KCNIP4: variants seen among roughly 807,000 people sequenced by gnomAD.
The protein encoded by KCNIP4 is potassium voltage-gated channel interacting protein 4, also known as Kv channel-interacting protein 4.
A neutral mutation model predicts 34.0 loss-of-function variants in KCNIP4; 12 were observed. That is an observed-to-expected ratio of 0.35 (90% CI 0.23 to 0.57). The LOEUF (loss-of-function observed/expected upper bound fraction) is 0.57, where lower values mean the gene tolerates loss of function less well. Among genes scored for constraint, KCNIP4 ranks in the 20% least tolerant of loss-of-function variants. KCNIP4 has a pLI of 0.83. For missense variants in KCNIP4, 238 were observed against 311.7 expected, an observed-to-expected ratio of 0.76 and a Z score of 1.78; for synonymous variants, 124 against 102.2, an observed-to-expected ratio of 1.21 and a Z score of -1.29.
intron 3 of KCNIP4, among the ~76,000 whole-genome samples, chr4:20,823,076 A>G (rs968142607): frequency 2.6e-5 from 4 of 152,192 alleles, no homozygotes; most frequent in African/African-American, 7.2e-5. Flanking sequence ...CTAGAACTGT[A>G]TAGTCTGTTC....
intron 1 of KCNIP4, among the ~76,000 whole-genome samples, chr4:21,827,559 T>C (rs1385334117): frequency 6.6e-6 from 1 of 152,040 alleles, no homozygotes; most frequent in African/African-American, 2.4e-5. Context: ...TTTGGTTACA[T>C]CCTCAAGGTC....
At chr4:21,095,380 T>G (rs1212402908) in intron 1 of KCNIP4, among the ~76,000 whole-genome samples, 4 of 152,188 alleles carry the variant, frequency 2.6e-5, no homozygotes, top group Non-Finnish European at 5.9e-5. Context: ...CTTCTGGAGA[T>G]TCATAAAACG....
intron 1 of KCNIP4, among the ~76,000 whole-genome samples, chr4:21,186,019 C>G (rs1356408298): frequency 6.6e-6 from 1 of 152,176 alleles, no homozygotes; most frequent in East Asian, 1.9e-4. Flanking sequence ...GAGTAACCTT[C>G]TTTCTTTAAT....
chr4:20,731,789 G>A, intron 8 of KCNIP4: 1 of 985,338 alleles, frequency 1.0e-6, no homozygotes, highest in Non-Finnish European at 1.2e-6. Context: ...TGTATCCCCA[G>A]GGTTTCCTCC....
At chr4:20,778,860 G>C (rs761729133) in intron 3 of KCNIP4, among the ~76,000 whole-genome samples, 32 of 152,268 alleles carry the variant, frequency 2.1e-4, no homozygotes, top group Non-Finnish European at 3.2e-4. Context: ...GTTAGAGAGA[G>C]CTGTGTGTGC....
intron 1 of KCNIP4, among the ~76,000 whole-genome samples, chr4:20,922,103 T>C (rs1191352483): frequency 6.6e-6 from 1 of 152,230 alleles, no homozygotes; most frequent in African/African-American, 2.4e-5. Flanking sequence ...CCCAGCTTTG[T>C]GACTGTTACC....
intron 3 of KCNIP4, among the ~76,000 whole-genome samples, chr4:20,765,551 C>T (rs895496931): frequency 2.0e-5 from 3 of 152,128 alleles, no homozygotes; most frequent in African/African-American, 7.2e-5. Flanking sequence ...TCCTGTGTGC[C>T]ACATACTCTT....
intron 1 of KCNIP4, among the ~76,000 whole-genome samples, chr4:21,041,081 T>C (rs1004736665): frequency 1.3e-5 from 2 of 152,102 alleles, no homozygotes; most frequent in Non-Finnish European, 2.9e-5. Flanking sequence ...TACCCTGCAG[T>C]TTCCTAGTAA....
chr4:20,893,746 T>C (rs1577327212), intron 1 of KCNIP4, among the ~76,000 whole-genome samples: 1 of 152,108 alleles, frequency 6.6e-6, no homozygotes, highest in East Asian at 1.9e-4. Context: ...TGATCTCACC[T>C]GTATATGAGG....
chr4:21,677,949 G>A (rs1462656765), intron 1 of KCNIP4, among the ~76,000 whole-genome samples: 6 of 152,044 alleles, frequency 3.9e-5, no homozygotes, highest in Non-Finnish European at 7.4e-5. Context: ...ACGGGGTTTC[G>A]CCATGTTGAC....
At chr4:21,291,864 AAAAAAAGAAAGAAAGAAAGAAAG>A in intron 1 of KCNIP4, among the ~76,000 whole-genome samples, 1 of 68,120 alleles carries the variant, frequency 1.5e-5, no homozygotes, top group Admixed American at 1.8e-4. Context: ...AAAAAAAAAA[AAAAAAAGAAAGAAAGAAAGAAAG>A]AAAGAAAGAA....
Position 21,393,666 on chromosome 4 carries a change from AT to A in KCNIP4, c.62-510958del, listed in dbSNP as rs962522589. On this transcript the variant is annotated intron_variant, in intron 1 of 8. Coordinates refer to ENST00000382152, the MANE Select transcript of KCNIP4 (RefSeq NM_025221.6). ...AAAATTTCAAGTTATTTAGAAATGA[AT>A]TTTTTTCAATCAAAATTTTGTTCTA... 4.6e-5 allele frequency among the ~76,000 whole-genome samples: 7 copies of A among 152,112 alleles called. No homozygotes were observed. In the South Asian group the frequency reaches 1.4e-3, roughly 31 times the overall value.
At chr4:21,254,633 C>T (rs187682928) in intron 1 of KCNIP4, among the ~76,000 whole-genome samples, 7 of 152,244 alleles carry the variant, frequency 4.6e-5, no homozygotes, top group East Asian at 1.9e-4. Context: ...GAGCTTTATT[C>T]ATGACCTACC....
intron 1 of KCNIP4, among the ~76,000 whole-genome samples, chr4:21,733,212 C>T (rs1006112411): frequency 4.6e-5 from 7 of 152,108 alleles, no homozygotes; most frequent in African/African-American, 1.7e-4. Flanking sequence ...ATTAATAATC[C>T]TTTATATTCA....
intron 1 of KCNIP4, among the ~76,000 whole-genome samples, chr4:21,308,892 A>G (rs1377012170): frequency 1.3e-5 from 2 of 152,038 alleles, no homozygotes; most frequent in Non-Finnish European, 2.9e-5. Flanking sequence ...CTTCAAAGCA[A>G]TTTTGGGGAG....
At chr4:20,891,336 G>A (rs1306975692) in intron 1 of KCNIP4, among the ~76,000 whole-genome samples, 1 of 152,154 alleles carries the variant, frequency 6.6e-6, no homozygotes, top group Non-Finnish European at 1.5e-5. Flanking sequence ...GCTGAGCAAG[G>A]TGGCTCATGC....
At chr4:20,763,647 TC>T (rs1175510660) in intron 3 of KCNIP4, among the ~76,000 whole-genome samples, 2 of 152,206 alleles carry the variant, frequency 1.3e-5, no homozygotes, top group African/African-American at 4.8e-5. Flanking sequence ...GGAATATCTA[TC>T]CCTGTGGCAT....
intron 1 of KCNIP4, among the ~76,000 whole-genome samples, chr4:21,289,082 T>A (rs1161537194): frequency 6.6e-6 from 1 of 152,214 alleles, no homozygotes; most frequent in Non-Finnish European, 1.5e-5. Context: ...AAATTGTCTT[T>A]GGACTTCAGT....
chr4:20,949,862 G>A lies in KCNIP4; in HGVS notation c.62-67153C>T, dbSNP rs1213325867. ...GTCACACTCTGGGGACGGTTGGGGG[G>A]TGGGGGGAGGGGGGAGGGATAGCAT... On this transcript the variant is annotated intron_variant, in intron 1 of 8. Coordinates refer to ENST00000382152, the MANE Select transcript of KCNIP4 (RefSeq NM_025221.6). Among the ~76,000 whole-genome samples the A allele has an allele frequency of 1.6e-4, 21 of 129,016 alleles. No individual in the cohort carries two copies. In the South Asian group the frequency reaches 5.8e-3, roughly 36 times the overall value. 84.6% of individuals were successfully genotyped at this position (129,016 alleles called of 152,430 possible). A position where few individuals can be genotyped will look rare whatever the true frequency, so the allele number is the denominator to read the frequency against.
Sources: allele counts gnomAD v4.1 joint callset (sites outside exome capture counted in the v4.1 genomes callset), GRCh38; gene constraint gnomAD v4.1.1; transcripts MANE v1.5; gene names NCBI Gene and HGNC (gene_info 2026-07-23, HGNC 2026-07-21).